VPS53: variants seen among roughly 807,000 people sequenced by gnomAD.
The protein encoded by VPS53 is VPS53 subunit of GARP complex, also known as vacuolar protein sorting-associated protein 53 homolog.
A neutral mutation model predicts 107.0 loss-of-function variants in VPS53; 70 were observed. The observed-to-expected ratio is 0.65, with a 90% CI of 0.54 to 0.80. The LOEUF is 0.80. VPS53 is among the 30% of genes least tolerant of loss of function. VPS53 has a pLI of 0.00. For missense variants in VPS53, 917 were observed against 1,049.4 expected, an observed-to-expected ratio of 0.87 and a Z score of 1.74; for synonymous variants, 409 against 393.3, an observed-to-expected ratio of 1.04 and a Z score of -0.47.
intron 19 of VPS53, among the ~76,000 whole-genome samples, chr17:526,656 C>T (rs1403191354): frequency 2.6e-5 from 4 of 152,226 alleles, no homozygotes; most frequent in South Asian, 2.1e-4. Flanking sequence ...GCTATTGCCA[C>T]ATTCATTTCT....
In VPS53 at chr17:646,054, T is replaced by C. The variant is rs12946941; in HGVS notation, c.608+7237A>G. Among the ~76,000 whole-genome samples, 5 of 94,266 alleles carry C rather than the reference T, an allele frequency of 5.3e-5. 1 individual carries two copies. The East Asian group carries it at 2.3e-3, about 43-fold the overall frequency. 61.8% of individuals were successfully genotyped at this position (94,266 alleles called of 152,430 possible). ...CACACATCTCGGTGACCGCGTGGCC[T>C]CTGCCTGATAAGGGTCTTATCTTTT... is the stretch of plus-strand genomic sequence containing the variant. On this transcript the variant is annotated intron_variant, in intron 7 of 21. Transcript: ENST00000437048.
chr17:530,981 T>G (rs1042889463), intron 19 of VPS53, among the ~76,000 whole-genome samples: 8 of 152,176 alleles, frequency 5.3e-5, no homozygotes, highest in Non-Finnish European at 1.0e-4. Context: ...ACAGCTGAGG[T>G]TGGGCTAAAT....
At chr17:549,419 A>C (rs1027958560) in intron 17 of VPS53, among the ~76,000 whole-genome samples, 1 of 152,154 alleles carries the variant, frequency 6.6e-6, no homozygotes, top group Non-Finnish European at 1.5e-5. Context: ...TGATATAAAC[A>C]AAGGACTCTG....
intron 4 of VPS53, among the ~76,000 whole-genome samples, chr17:695,167 T>C (rs1299373340): frequency 1.3e-5 from 2 of 152,064 alleles, no homozygotes; most frequent in Non-Finnish European, 2.9e-5. Context: ...AGTACAAGAA[T>C]GGGGCTGTGG....
intron 11 of VPS53, among the ~76,000 whole-genome samples, chr17:606,609 G>C (rs1286783049): frequency 1.3e-5 from 2 of 152,140 alleles, no homozygotes; most frequent in Non-Finnish European, 2.9e-5. Context: ...CCATACAATA[G>C]AGTAGGCCAG....
chr17:579,887 C>A (rs1275550549), intron 13 of VPS53, among the ~76,000 whole-genome samples: 1 of 151,724 alleles, frequency 6.6e-6, no homozygotes, highest in Admixed American at 6.6e-5. Context: ...CAGTGCATTA[C>A]CAGAGAACCA....
chr17:672,011 C>A (rs965980607), intron 4 of VPS53, among the ~76,000 whole-genome samples: 1 of 151,534 alleles, frequency 6.6e-6, no homozygotes. Flanking sequence ...TTGTCTTTCG[C>A]GGGTGGTAGG....
chr17:555,480 A>C (rs534178693), intron 15 of VPS53, among the ~76,000 whole-genome samples: 93 of 152,154 alleles, frequency 6.1e-4, no homozygotes, highest in Non-Finnish European at 1.2e-3. Flanking sequence ...TACAGACGTG[A>C]GCCACCACGC....
chr17:543,495 T>C (rs1910866582), intron 17 of VPS53, among the ~76,000 whole-genome samples: 1 of 152,026 alleles, frequency 6.6e-6, no homozygotes, highest in South Asian at 2.1e-4. Flanking sequence ...GACTTGGATT[T>C]ATTTACCTGA....
intron 16 of VPS53, 45 bp downstream of exon 16, chr17:553,335 G>A: frequency 6.3e-7 from 1 of 1,579,826 alleles, no homozygotes; most frequent in Non-Finnish European, 8.7e-7. Context: ...CTGCTGTGTA[G>A]TGGAGAAAGG....
intron 14 of VPS53, among the ~76,000 whole-genome samples, chr17:561,368 A>G (rs140235392): frequency 2.6e-5 from 4 of 152,292 alleles, no homozygotes; most frequent in African/African-American, 9.6e-5. Flanking sequence ...TTCTGTGAAC[A>G]GTCTCTCTAC....
chr17:568,200 G>A (rs1913720226), intron 13 of VPS53, among the ~76,000 whole-genome samples: 1 of 152,144 alleles, frequency 6.6e-6, no homozygotes, highest in Non-Finnish European at 1.5e-5. Context: ...CAACGCAGGT[G>A]AGCAAGGTCA....
chr17:669,362 G>A (rs925171528), intron 4 of VPS53, among the ~76,000 whole-genome samples: 5 of 152,040 alleles, frequency 3.3e-5, no homozygotes, highest in Admixed American at 1.3e-4. Context: ...CAAGGCTGAC[G>A]GTGGATTACT....
intron 13 of VPS53, among the ~76,000 whole-genome samples, chr17:585,739 T>C (rs1213861454): frequency 6.6e-6 from 1 of 152,160 alleles, no homozygotes; most frequent in African/African-American, 2.4e-5. Flanking sequence ...TGCATGATTA[T>C]TGGGTCCTGG....
chr17:607,377 T>C (rs970255035), intron 11 of VPS53, among the ~76,000 whole-genome samples: 1 of 152,128 alleles, frequency 6.6e-6, no homozygotes, highest in African/African-American at 2.4e-5. Flanking sequence ...ACAACGCACA[T>C]ACCACCCTCC....
At chr17:603,888 T>A (rs964196479) in intron 11 of VPS53, among the ~76,000 whole-genome samples, 6 of 152,218 alleles carry the variant, frequency 3.9e-5, no homozygotes, top group African/African-American at 1.4e-4. Flanking sequence ...ATAAAAAAAT[T>A]AAATTAGGTA....
At position 558,654 on chromosome 17, in the gene VPS53, A is replaced by G. The variant is rs757204915; in HGVS notation, c.1704+1772T>C. On this transcript the variant is annotated intron_variant, in intron 15 of 21. Coordinates refer to ENST00000437048, the MANE Select transcript of VPS53 (RefSeq NM_001128159.3). ...GTTTCAAAAAAAAAGCAAAATTTGA[A>G]GCACTATAAACAACGATCAGGGATG... Among the ~76,000 whole-genome samples the G allele has an allele frequency of 1.3e-4, 19 of 150,804 alleles. No individual in the cohort carries two copies. In the South Asian group the frequency reaches 1.7e-3, roughly 13 times the overall value.
At chr17:593,390 A>G (rs1967777507) in intron 12 of VPS53, among the ~76,000 whole-genome samples, 1 of 152,196 alleles carries the variant, frequency 6.6e-6, no homozygotes, top group Non-Finnish European at 1.5e-5. Flanking sequence ...AATGGGAGAA[A>G]ATTTTCGCAA....
Position 520,888 on chromosome 17 carries a change from C to T in VPS53, c.2223+713G>A, listed in dbSNP as rs1908701731. On this transcript the variant is annotated intron_variant, in intron 20 of 21. Coordinates refer to ENST00000437048, the MANE Select transcript of VPS53 (RefSeq NM_001128159.3). The surrounding 1 kb of genome is among the most constrained non-coding windows in gnomAD (Gnocchi z 4.4). The stretch of plus-strand genomic sequence containing the variant: ...CCCTCACCTACATGAGCTCTTCACC[C>T]TTACCTACATGAGCTGCTTCATCCT... 6.6e-6 allele frequency among the ~76,000 whole-genome samples: 1 copy of T among 152,166 alleles called. No homozygotes were observed. The highest frequency in any genetic ancestry group is 2.1e-4 in the South Asian group (1 of 4,826).
Sources: gnomAD v4.1 joint callset for allele counts (sites outside exome capture counted in the v4.1 genomes callset) on GRCh38, gnomAD v4.1.1 for gene constraint, Gnocchi (gnomAD v3.1) non-coding constraint, MANE v1.5 for transcripts, NCBI Gene and HGNC (gene_info 2026-07-23, HGNC 2026-07-21) for gene names.